Variants in LRRK2 observed in about 807,000 individuals in gnomAD.
LRRK2 encodes leucine-rich repeat serine/threonine-protein kinase 2.
Under a neutral mutation model 302.6 loss-of-function variants are expected in LRRK2, and 203 were observed. The ratio of observed to expected loss-of-function variants is 0.67; its 90% CI spans 0.60 to 0.75. The LOEUF is 0.75. Ranked by LOEUF, LRRK2 falls within the 30% of genes least tolerant of loss-of-function variation. The pLI is 0.00. For synonymous variants in LRRK2, 1,066 were observed against 1,031.9 expected, an observed-to-expected ratio of 1.03 and a Z score of -0.63; for missense variants, 2,830 against 2,951.0, an observed-to-expected ratio of 0.96 and a Z score of 0.95.
intron 50 of LRRK2, chr12:40,367,371 CAG>C (rs1946910738): frequency 4.9e-6 from 2 of 407,266 alleles, no homozygotes; most frequent in Admixed American, 8.3e-5. Context: ...TAATTTTGAA[CAG>C]TGTTTGAAAA....
intron 38 of LRRK2, among the ~76,000 whole-genome samples, chr12:40,325,169 T>C (rs975139613): frequency 3.3e-5 from 5 of 152,130 alleles, no homozygotes; most frequent in Non-Finnish European, 7.4e-5. Context: ...GCATCTGTAA[T>C]CTCAGCTACT....
At chr12:40,359,465 A>G in intron 47 of LRRK2, 21 bp downstream of exon 47, 1 of 1,600,728 alleles carries the variant, frequency 6.2e-7, no homozygotes, top group Non-Finnish European at 8.6e-7. Context: ...TTTTATCTGT[A>G]CAAGTAATTT....
chr12:40,352,582 G>A (rs1946388159), intron 44 of LRRK2, among the ~76,000 whole-genome samples: 1 of 150,288 alleles, frequency 6.7e-6, no homozygotes, highest in African/African-American at 2.5e-5. Flanking sequence ...AAAGGTCTCT[G>A]GTTTTCCTAG....
intron 33 of LRRK2, among the ~76,000 whole-genome samples, chr12:40,318,333 A>G (rs1359308344): frequency 6.6e-6 from 1 of 152,098 alleles, no homozygotes; most frequent in Non-Finnish European, 1.5e-5. Flanking sequence ...CACGCTATAG[A>G]TCCACTAGGA....
rs1476245700 is a variant in LRRK2, at chr12:40,369,166, T to C, written c.*1401T>C. On this transcript the variant is annotated 3_prime_UTR_variant, in exon 51 of 51. Coordinates refer to ENST00000298910, the MANE Select transcript of LRRK2 (RefSeq NM_198578.4). ...AAAAATCATATATAATAGAGCTCTT[T>C]GTTCCAGTGTTATCTCTTTCATTGT... The C allele has an allele frequency of 1.3e-5, 2 of 151,904 alleles. No individual in the cohort carries two copies. Among genetic ancestry groups the C allele is most frequent in the African/African-American group, 4.8e-5 (2 of 41,424 alleles). The allele number at this position is 151,904 out of a possible 1,614,324, so 9.4% of individuals were successfully genotyped here. A position where few individuals can be genotyped will look rare whatever the true frequency, so the allele number is the denominator to read the frequency against.
chr12:40,364,048 G>A (rs1479565866), intron 48 of LRRK2, among the ~76,000 whole-genome samples: 1 of 151,964 alleles, frequency 6.6e-6, no homozygotes. Flanking sequence ...GCCTGTGAGT[G>A]ACAAATCCAT....
chr12:40,241,430 C>T (rs570858631), intron 6 of LRRK2, among the ~76,000 whole-genome samples: 1 of 144,102 alleles, frequency 6.9e-6, no homozygotes, highest in South Asian at 2.6e-4. Flanking sequence ...CCAATGATTG[C>T]TATTAGGCTA....
In LRRK2 at chr12:40,335,036, C is replaced by T. The variant is rs756387719; in HGVS notation, c.5827C>T (p.Arg1943Trp). ...ISLLAAGIRPRMLVMELASKG... is the reference protein window; with the variant it reads ...ISLLAAGIRPWMLVMELASKG... Reference sequence around the variant, plus strand: ...TTTGCTGGCAGCTGGGATTCGTCCCCGGATGTTGGTGATGGAGTTAGCCTC... The same window carrying T: ...TTTGCTGGCAGCTGGGATTCGTCCCTGGATGTTGGTGATGGAGTTAGCCTC... The change falls in exon 40 of 51, where the codon CGG becomes TGG. Residue 1943 changes from arginine to tryptophan, a missense_variant. Arg to Trp is a moderately radical substitution (Grantham distance 101, BLOSUM62 -3). This residue lies in a region of LRRK2 where 253 missense variants were observed against 346.7 expected (regional missense o/e 0.73). Transcript: ENST00000298910. 2.1e-5 allele frequency: 34 copies of T among 1,613,956 alleles called. No individual in the cohort carries two copies. The highest frequency in any genetic ancestry group is 8.9e-5 in the East Asian group (4 of 44,880).
chr12:40,322,218 C>T (rs1295137871), intron 36 of LRRK2, 37 bp downstream of exon 36: 1 of 1,579,778 alleles, frequency 6.3e-7, no homozygotes, highest in Non-Finnish European at 8.6e-7. Flanking sequence ...AATTGCAACA[C>T]TAAAGAAATT....
intron 39 of LRRK2, among the ~76,000 whole-genome samples, chr12:40,333,012 G>C (rs1262937887): frequency 6.6e-6 from 1 of 150,484 alleles, no homozygotes; most frequent in African/African-American, 2.4e-5. Flanking sequence ...AATGACATTT[G>C]ACGGTCATTC....
rs200577947 is a variant in LRRK2 at position 40,295,454 on chromosome 12, G to T, written c.2906G>T (p.Arg969Met). The T allele has an allele frequency of 1.2e-6, 2 of 1,613,250 alleles. No individual in the cohort carries two copies. Among genetic ancestry groups the T allele is most frequent in the Middle Eastern group, 3.3e-4 (2 of 6,044 alleles). Reference protein sequence around the residue: ...LRSSKLQSHMRHSDSISSLAS... With the variant: ...LRSSKLQSHMMHSDSISSLAS... Reference sequence around the variant, plus strand: ...TCATCAAAACTTCAATCCCATATGAGGCATTCAGACAGCATTTCTTCTCTG... The same window carrying T: ...TCATCAAAACTTCAATCCCATATGATGCATTCAGACAGCATTTCTTCTCTG... Residue 969 changes from arginine (R) to methionine (M), a missense_variant, in exon 23 of 51, where the codon AGG (arginine) becomes ATG (methionine). Around this residue, in one of 3 missense-constraint regions of LRRK2, gnomAD observed 2,121 missense variants for 2,148.0 expected, o/e 0.99. Transcript: ENST00000298910.
intron 2 of LRRK2, among the ~76,000 whole-genome samples, chr12:40,230,770 G>A (rs1253405626): frequency 6.6e-6 from 1 of 151,064 alleles, no homozygotes. Context: ...ACAGTAGGAA[G>A]AATAGGTTAA....
intron 18 of LRRK2, among the ~76,000 whole-genome samples, chr12:40,282,073 CCCTTCCCTTCCCTTCTCTT>C (rs1943728262): frequency 2.8e-5 from 1 of 36,030 alleles, no homozygotes; most frequent in East Asian, 6.5e-4. Context: ...CCCTTCCCTT[CCCTTCCCTTCCCTTCTCTT>C]CCCTCCCCTC....
intron 23 of LRRK2, among the ~76,000 whole-genome samples, chr12:40,296,052 G>A (rs1271396440): frequency 3.9e-5 from 6 of 152,104 alleles, no homozygotes; most frequent in East Asian, 1.9e-4. Context: ...ATGTCACTCC[G>A]CCTGCTCTAA....
Position 40,315,102 on chromosome 12 carries a change from C to T in LRRK2, c.4739-110C>T, listed in dbSNP as rs188921989. The stretch of plus-strand genomic sequence containing the variant: ...AGTCCCAGCTCTGTCACTAGCTATG[C>T]TGAAATTTCTTCACCTGCAAAATGA... On this transcript the variant is annotated intron_variant, in intron 32 of 50. Transcript: ENST00000298910. 3.6e-4 allele frequency: 318 copies of T among 876,300 alleles called. 2 individuals carry two copies. The African/African-American group carries it at 4.6e-3, about 13-fold the overall frequency. The allele number at this position is 876,300 out of a possible 1,614,324, so 54.3% of individuals were successfully genotyped here.
chr12:40,362,421 A>T (rs1343959194), intron 47 of LRRK2, among the ~76,000 whole-genome samples: 1 of 152,028 alleles, frequency 6.6e-6, no homozygotes, highest in Non-Finnish European at 1.5e-5. Context: ...GCCTTCTTCT[A>T]TTCCCCCACT....
intron 48 of LRRK2, 142 bp downstream of exon 48, chr12:40,363,696 G>T: frequency 1.2e-6 from 1 of 844,830 alleles, no homozygotes; most frequent in South Asian, 1.7e-5. Context: ...ATGCTTCTCA[G>T]CACCATCTTT....
chr12:40,260,043 T>C (rs970947158), intron 13 of LRRK2, among the ~76,000 whole-genome samples: 1 of 152,162 alleles, frequency 6.6e-6, no homozygotes, highest in Non-Finnish European at 1.5e-5. Flanking sequence ...CTTGTACTCA[T>C]TTACCTCAAT....
chr12:40,321,393 C>T (rs536264356), intron 35 of LRRK2, among the ~76,000 whole-genome samples: 2 of 152,030 alleles, frequency 1.3e-5, no homozygotes, highest in African/African-American at 4.8e-5. Context: ...CACATATAAC[C>T]TCATCTAATT....
Sources: gnomAD v4.1 joint callset for allele counts (sites outside exome capture counted in the v4.1 genomes callset) on GRCh38, gnomAD v4.1.1 for gene constraint, gnomAD v4.1.1 regional missense constraint, MANE v1.5 for transcripts, NCBI Gene and HGNC (gene_info 2026-07-23, HGNC 2026-07-21) for gene names.